Variants in SLC38A12 observed in about 807,000 individuals in gnomAD.
The protein encoded by SLC38A12 is putative sodium-coupled neutral amino acid transporter 12.
chr17:74,807,909 G>A, the SLC38A12 span, among the ~76,000 whole-genome samples: 4 of 152,356 alleles, frequency 2.6e-5, no homozygotes, highest in East Asian at 7.7e-4. Context: ...TCACCTGGAT[G>A]TGCAGGTGCT....
At chr17:74,791,869 GGGCACGGT>G in the SLC38A12 span, among the ~76,000 whole-genome samples, 186 of 152,354 alleles carry the variant, frequency 1.2e-3, no homozygotes, top group African/African-American at 4.2e-3. Context: ...TTAGTGGGCC[GGGCACGGT>G]GGCTAACTCC....
chr17:74,802,732 A>C, the SLC38A12 span, among the ~76,000 whole-genome samples: 1 of 152,200 alleles, frequency 6.6e-6, no homozygotes, highest in East Asian at 1.9e-4. Flanking sequence ...TCAGTGCTCA[A>C]AAAGTTTCAG....
chr17:74,785,570 G>A, the SLC38A12 span: 2 of 1,614,130 alleles, frequency 1.2e-6, no homozygotes, highest in South Asian at 2.2e-5. Flanking sequence ...TGGCTTGTCA[G>A]CCTCGTCCTG....
At chr17:74,793,592 G>A in the SLC38A12 span, among the ~76,000 whole-genome samples, 1 of 152,152 alleles carries the variant, frequency 6.6e-6, no homozygotes, top group Non-Finnish European at 1.5e-5. Flanking sequence ...ACCAGGGAGG[G>A]CCAATGGCAG....
chr17:74,825,450 T>C, the SLC38A12 span, among the ~76,000 whole-genome samples: 1 of 152,202 alleles, frequency 6.6e-6, no homozygotes, highest in Non-Finnish European at 1.5e-5. Flanking sequence ...TGTTTTAAGG[T>C]AAAGTGGGCA....
the SLC38A12 span, among the ~76,000 whole-genome samples, chr17:74,814,368 G>T: frequency 1.3e-5 from 2 of 152,048 alleles, no homozygotes; most frequent in Non-Finnish European, 2.9e-5. Flanking sequence ...CCCCCTTCCT[G>T]TGGGGATCTT....
the SLC38A12 span, among the ~76,000 whole-genome samples, chr17:74,822,865 C>T: frequency 0.056 from 8,559 of 152,230 alleles, 459 homozygotes; most frequent in East Asian, 0.21. Context: ...CAGGAGGGGA[C>T]GAAGGGGATG....
chr17:74,795,881 A>G, the SLC38A12 span, among the ~76,000 whole-genome samples: 2 of 152,346 alleles, frequency 1.3e-5, no homozygotes, highest in South Asian at 4.1e-4. Flanking sequence ...CTCAGGTCAT[A>G]GCCAGATTCA....
the SLC38A12 span, chr17:74,838,840 C>G: frequency 6.5e-7 from 1 of 1,527,760 alleles, no homozygotes; most frequent in African/African-American, 1.4e-5. Flanking sequence ...CAGCCATCAT[C>G]AACTTGGCAA....
chr17:74,790,379 C>T, the SLC38A12 span: 2 of 1,257,262 alleles, frequency 1.6e-6, no homozygotes, highest in Admixed American at 3.4e-5. Flanking sequence ...CCTGGAGAGG[C>T]TCCCCGCAGA....
At chr17:74,832,255 G>A in the SLC38A12 span, among the ~76,000 whole-genome samples, 3 of 151,886 alleles carry the variant, frequency 2.0e-5, no homozygotes, top group African/African-American at 4.8e-5. Context: ...CCAGGGAAAC[G>A]AGCTTCTAGA....
chr17:74,838,689 A>G, the SLC38A12 span: 1 of 1,426,520 alleles, frequency 7.0e-7, no homozygotes, highest in East Asian at 2.5e-5. Flanking sequence ...TGTAAGTCAG[A>G]TGAGGTCACC....
chr17:74,836,908 T>C, the SLC38A12 span: 1 of 1,362,272 alleles, frequency 7.3e-7, no homozygotes, highest in Non-Finnish European at 9.4e-7. This position sits in a 1 kb window ranked among gnomAD's most constrained non-coding sequence, Gnocchi z 4.2. Flanking sequence ...CAGGTCCTTC[T>C]GCCTGGGTGA....
the SLC38A12 span, chr17:74,819,858 C>T: frequency 8.1e-6 from 13 of 1,606,298 alleles, no homozygotes; most frequent in South Asian, 1.1e-4. Context: ...GTCTGAGAAA[C>T]AGCTCGAGTC....
At chr17:74,791,469 C>T in the SLC38A12 span, among the ~76,000 whole-genome samples, 1 of 152,254 alleles carries the variant, frequency 6.6e-6, no homozygotes, top group Non-Finnish European at 1.5e-5. Flanking sequence ...GAACCTGAGG[C>T]AGCTACAAAA....
chr17:74,830,819 C>G, the SLC38A12 span, among the ~76,000 whole-genome samples: 1 of 152,328 alleles, frequency 6.6e-6, no homozygotes, highest in Middle Eastern at 3.4e-3. Flanking sequence ...CACTCCCTCC[C>G]CAGGTGTCAG....
At chr17:74,828,998 A>G in the SLC38A12 span, among the ~76,000 whole-genome samples, 1 of 152,156 alleles carries the variant, frequency 6.6e-6, no homozygotes, top group Non-Finnish European at 1.5e-5. Context: ...GAAGTTTTTA[A>G]TTTTTAGTAG....
the SLC38A12 span, among the ~76,000 whole-genome samples, chr17:74,798,215 T>C: frequency 6.6e-6 from 1 of 152,224 alleles, no homozygotes; most frequent in Non-Finnish European, 1.5e-5. Flanking sequence ...CAACAGTAGT[T>C]CTGGGGGACA....
the SLC38A12 span, among the ~76,000 whole-genome samples, chr17:74,782,514 A>G: frequency 6.6e-6 from 1 of 152,232 alleles, no homozygotes; most frequent in African/African-American, 2.4e-5. Flanking sequence ...TTTTGAATAA[A>G]TGAGCAGAAC....
Sources: gnomAD v4.1 joint callset for allele counts (sites outside exome capture counted in the v4.1 genomes callset) on GRCh38, gnomAD v4.1.1 for gene constraint, Gnocchi (gnomAD v3.1) non-coding constraint, MANE v1.5 for transcripts, NCBI Gene and HGNC (gene_info 2026-07-23, HGNC 2026-07-21) for gene names.